Variants in LIPA observed in about 807,000 individuals in gnomAD.
The protein encoded by LIPA is lipase A, lysosomal acid type.
LIPA carries 26 observed loss-of-function variants against 40.6 expected under a neutral mutation model. The ratio of observed to expected loss-of-function variants is 0.64; its 90% CI spans 0.47 to 0.89. The LOEUF (loss-of-function observed/expected upper bound fraction) is 0.89. Ranked by LOEUF, LIPA falls within the 40% of genes least tolerant of loss-of-function variation. LIPA has a pLI of 0.00. For missense variants in LIPA, 455 were observed against 479.6 expected (o/e 0.95, Z 0.48); for synonymous variants, 188 against 168.4 (o/e 1.12, Z -0.90).
At chr10:89,350,261 G>A (rs1187347653) in intron 2 of LIPA, among the ~76,000 whole-genome samples, 1 of 138,210 alleles carries the variant, frequency 7.2e-6, no homozygotes, top group Non-Finnish European at 1.6e-5. Context: ...AGGTGCACCG[G>A]CCCAGTCAGA....
At chr10:89,397,539 G>A (rs78441307) in intron 2 of LIPA, among the ~76,000 whole-genome samples, 1 of 152,064 alleles carries the variant, frequency 6.6e-6, no homozygotes, top group East Asian at 1.9e-4. Context: ...AGAGGCTTAG[G>A]GCATCTTTTT....
At chr10:89,368,623 A>C (rs1844074285) in intron 2 of LIPA, among the ~76,000 whole-genome samples, 1 of 152,214 alleles carries the variant, frequency 6.6e-6, no homozygotes, top group Non-Finnish European at 1.5e-5. Flanking sequence ...AAATATACTT[A>C]TTGAGCTCTC....
chr10:89,275,910 G>T (rs1843287008), intron 1 of LIPA, among the ~76,000 whole-genome samples: 1 of 152,166 alleles, frequency 6.6e-6, no homozygotes, highest in Admixed American at 6.5e-5. Context: ...TAACTGCAGT[G>T]TATGGAGATT....
intron 3 of LIPA, among the ~76,000 whole-genome samples, chr10:89,229,395 TATAGA>T (rs1283424988): frequency 6.6e-6 from 1 of 152,232 alleles, no homozygotes; most frequent in African/African-American, 2.4e-5. Flanking sequence ...TGCATGATAC[TATAGA>T]GGTAGACACA....
At chr10:89,413,345 AT>A (rs1287832811) in intron 1 of LIPA, among the ~76,000 whole-genome samples, 1 of 152,120 alleles carries the variant, frequency 6.6e-6, no homozygotes, top group Non-Finnish European at 1.5e-5. Context: ...GTTAGAAGTG[AT>A]TGCTTTAAAT....
rs184250799 is a variant in LIPA at position 89,243,753 on chromosome 10, T to G, written c.229+1923A>C. Among the ~76,000 whole-genome samples, 246 of 152,244 alleles carry G rather than the reference T, an allele frequency of 1.6e-3. 1 individual carries two copies. Among genetic ancestry groups the G allele is most frequent in the African/African-American group, 5.7e-3 (235 of 41,536 alleles). On this transcript the variant is annotated intron_variant, in intron 3 of 9. Coordinates refer to ENST00000336233, the MANE Select transcript of LIPA (RefSeq NM_000235.4). ...CACTGCACCTTCCCCTGCAACAGTGTGATACACACAGGTAGGGCATGTGAC... is the reference window on the plus strand; with the variant it reads ...CACTGCACCTTCCCCTGCAACAGTGGGATACACACAGGTAGGGCATGTGAC...
At chr10:89,255,289 C>T (rs113362096), upstream of LIPA, among the ~76,000 whole-genome samples, 427 of 152,276 alleles carry the variant, frequency 2.8e-3, 2 homozygotes, top group African/African-American at 9.1e-3. Flanking sequence ...GCAAAAGGCA[C>T]GTCTTACATG....
intron 1 of LIPA, among the ~76,000 whole-genome samples, chr10:89,296,772 G>C (rs1397975403): frequency 2.0e-5 from 3 of 152,126 alleles, no homozygotes; most frequent in African/African-American, 7.2e-5. Flanking sequence ...GTAATTTTCT[G>C]ACCTCAATCT....
At chr10:89,381,835 G>C (rs1184597273) in intron 2 of LIPA, among the ~76,000 whole-genome samples, 1 of 151,904 alleles carries the variant, frequency 6.6e-6, no homozygotes, top group African/African-American at 2.4e-5. Context: ...GCCCAGCCTG[G>C]AGTGCAGTGG....
chr10:89,396,085 A>G, intron 2 of LIPA, among the ~76,000 whole-genome samples: 1 of 152,244 alleles, frequency 6.6e-6, no homozygotes, highest in South Asian at 2.1e-4. Flanking sequence ...TAAGTATCTT[A>G]AGTATATATC....
At chr10:89,275,585 T>C (rs906674750) in intron 1 of LIPA, among the ~76,000 whole-genome samples, 1 of 152,168 alleles carries the variant, frequency 6.6e-6, no homozygotes, top group South Asian at 2.1e-4. Flanking sequence ...GCTCCCACAA[T>C]TGCATAAGAT....
At chr10:89,341,552 A>C (rs548084494) in intron 1 of LIPA, among the ~76,000 whole-genome samples, 2 of 152,220 alleles carry the variant, frequency 1.3e-5, no homozygotes, top group Non-Finnish European at 2.9e-5. Flanking sequence ...GTATAAGATG[A>C]TCATTTGAAC....
chr10:89,355,008 T>C (rs1393751178), intron 2 of LIPA, among the ~76,000 whole-genome samples: 1 of 152,160 alleles, frequency 6.6e-6, no homozygotes, highest in African/African-American at 2.4e-5. Context: ...GATTGGTGGA[T>C]TCAGGTGGGT....
exon 2 of LIPA, chr10:89,412,831 A>C (rs752279306): frequency 1.5e-5 from 6 of 389,740 alleles, no homozygotes; most frequent in Non-Finnish European, 2.5e-5. Context: ...CATCGAAAGG[A>C]ACAAACTCCA....
At chr10:89,281,617 A>C (rs1843316523) in intron 1 of LIPA, among the ~76,000 whole-genome samples, 1 of 152,256 alleles carries the variant, frequency 6.6e-6, no homozygotes, top group African/African-American at 2.4e-5. Flanking sequence ...GGTAAGTGGT[A>C]GGAACAGATG....
At chr10:89,299,013 A>G (rs527592521) in intron 1 of LIPA, among the ~76,000 whole-genome samples, 25 of 151,148 alleles carry the variant, frequency 1.7e-4, no homozygotes, top group Non-Finnish European at 1.0e-4. Flanking sequence ...AATAATATAT[A>G]TGTATATATA....
chr10:89,295,193 T>C (rs111420139), intron 1 of LIPA, among the ~76,000 whole-genome samples: 196 of 151,942 alleles, frequency 1.3e-3, no homozygotes, highest in African/African-American at 4.3e-3. Flanking sequence ...GGGAATGTCA[T>C]ATAGGTGGGA....
At chr10:89,312,981 C>A (rs963597310) in intron 1 of LIPA, among the ~76,000 whole-genome samples, 2 of 152,030 alleles carry the variant, frequency 1.3e-5, no homozygotes, top group African/African-American at 4.8e-5. Flanking sequence ...GCTTGCATAC[C>A]TAGAATACAC....
At chr10:89,291,663 G>A (rs1843375820) in intron 1 of LIPA, among the ~76,000 whole-genome samples, 1 of 152,110 alleles carries the variant, frequency 6.6e-6, no homozygotes, top group Non-Finnish European at 1.5e-5. Context: ...ATGATTCCTT[G>A]ACTGTGGGTT....
Sources: gnomAD v4.1 joint callset for allele counts (sites outside exome capture counted in the v4.1 genomes callset) on GRCh38, gnomAD v4.1.1 for gene constraint, MANE v1.5 for transcripts, NCBI Gene and HGNC (gene_info 2026-07-23, HGNC 2026-07-21) for gene names.